Variants in USP30 observed in about 807,000 individuals in gnomAD.
USP30 encodes the protein ubiquitin carboxyl-terminal hydrolase 30.
Under a neutral mutation model 68.2 loss-of-function variants are expected in USP30, and 41 were observed. The observed-to-expected ratio is 0.60, with a 90% CI of 0.47 to 0.78. The LOEUF (loss-of-function observed/expected upper bound fraction) is 0.78. USP30 is among the 30% of genes least tolerant of loss of function. The pLI is 0.00. For synonymous variants in USP30, 229 were observed against 253.7 expected, an observed-to-expected ratio of 0.90 and a Z score of 0.93; for missense variants, 522 against 649.4, an observed-to-expected ratio of 0.80 and a Z score of 2.13.
At chr12:109,026,696 G>T (rs1348291027) in intron 2 of USP30, among the ~76,000 whole-genome samples, 3 of 151,910 alleles carry the variant, frequency 2.0e-5, no homozygotes, top group Non-Finnish European at 4.4e-5. Context: ...TCAAACTCCT[G>T]CATTCAAGCC....
At position 109,041,788 on chromosome 12, in the gene USP30, G is replaced by A. The variant is rs75436767; in HGVS notation, c.-135-5802G>A. Among the ~76,000 whole-genome samples, 148 of 152,206 alleles carry A rather than the reference G, an allele frequency of 9.7e-4. 1 individual carries two copies. The highest frequency in any genetic ancestry group is 3.5e-3 in the African/African-American group (147 of 41,530). ...AAGAGCTACTTTGGAAGGTCGAACT[G>A]TGAGTTTACTATTGTGAAGATCTGA... On this transcript the variant is annotated intron_variant, in intron 3 of 15. Transcript: ENST00000392784.
intron 5 of USP30, 24 bp from the exon 6 acceptor site, chr12:109,072,281 G>GTTT (rs111762860): frequency 1.1e-5 from 15 of 1,343,588 alleles, no homozygotes; most frequent in South Asian, 5.0e-5. Flanking sequence ...TTTTCAGTCT[G>GTTT]TTTTTTTTTT....
chr12:109,085,633 T>C (rs747584464), intron 12 of USP30, 34 bp from the exon 13 acceptor site: 64 of 1,601,798 alleles, frequency 4.0e-5, no homozygotes, highest in African/African-American at 9.4e-5. Context: ...TTTGTTAAAA[T>C]TGTAAACCCC....
chr12:109,036,528 C>A (rs2040522580), intron 3 of USP30, among the ~76,000 whole-genome samples: 1 of 152,004 alleles, frequency 6.6e-6, no homozygotes, highest in Admixed American at 6.6e-5. Context: ...AAACTCCAGA[C>A]CTGAGGTGAT....
upstream of USP30, chr12:109,052,568 C>T (rs2040693062): frequency 1.1e-5 from 12 of 1,139,388 alleles, no homozygotes; most frequent in South Asian, 7.1e-5. Flanking sequence ...CCCCGAGGTG[C>T]TGGGACTGCG....
intron 3 of USP30, among the ~76,000 whole-genome samples, chr12:109,037,283 T>C (rs530973740): frequency 1.4e-4 from 22 of 152,316 alleles, no homozygotes; most frequent in African/African-American, 4.6e-4. Context: ...ATAATCTCTA[T>C]CTCTTTATTA....
chr12:109,064,652 C>T (rs149187477), intron 3 of USP30, among the ~76,000 whole-genome samples: 1 of 152,304 alleles, frequency 6.6e-6, no homozygotes, highest in East Asian at 1.9e-4. Flanking sequence ...TTGCTTCCAG[C>T]TCCTTGTCAA....
chr12:109,024,056 G>T (rs960924038), intron 1 of USP30, among the ~76,000 whole-genome samples: 1 of 152,114 alleles, frequency 6.6e-6, no homozygotes, highest in African/African-American at 2.4e-5. Flanking sequence ...TCTCTTCCCA[G>T]CTCCACCTCT....
chr12:109,065,003 C>T (rs1044256146), intron 3 of USP30, among the ~76,000 whole-genome samples: 15 of 152,096 alleles, frequency 9.9e-5, no homozygotes, highest in Non-Finnish European at 5.9e-5. Flanking sequence ...ATGCAGAAGC[C>T]TGGACTTTAT....
At chr12:109,037,683 G>T (rs1401607048) in intron 3 of USP30, among the ~76,000 whole-genome samples, 2 of 152,174 alleles carry the variant, frequency 1.3e-5, no homozygotes, top group Non-Finnish European at 2.9e-5. Flanking sequence ...AGATAGCTTA[G>T]TGGTCAGCTA....
intron 3 of USP30, among the ~76,000 whole-genome samples, chr12:109,040,995 A>C (rs886353992): frequency 6.6e-6 from 1 of 152,172 alleles, no homozygotes; most frequent in East Asian, 1.9e-4. Flanking sequence ...GTGGAGAAAG[A>C]ACCAGATTCT....
intron 3 of USP30, among the ~76,000 whole-genome samples, chr12:109,033,893 A>C (rs2040500290): frequency 6.6e-6 from 1 of 152,172 alleles, no homozygotes; most frequent in Admixed American, 6.5e-5. Context: ...CAAGATGTCT[A>C]ATCAGTACAA....
At chr12:109,076,609 A>G (rs2041615941) in intron 7 of USP30, among the ~76,000 whole-genome samples, 1 of 151,362 alleles carries the variant, frequency 6.6e-6, no homozygotes, top group Non-Finnish European at 1.5e-5. Flanking sequence ...TTCTGTTCCT[A>G]GTTTGCTGAG....
chr12:109,042,411 T>C (rs899370225), intron 3 of USP30, among the ~76,000 whole-genome samples: 13 of 152,188 alleles, frequency 8.5e-5, no homozygotes, highest in African/African-American at 3.1e-4. Context: ...CCTACAATTA[T>C]AAATGCCTAA....
intron 3 of USP30, among the ~76,000 whole-genome samples, chr12:109,041,823 AG>A (rs1230992039): frequency 2.0e-5 from 3 of 152,132 alleles, no homozygotes; most frequent in Admixed American, 2.0e-4. Context: ...AGGTAAGAAA[AG>A]CTTTGAAGTG....
Position 109,087,339 on chromosome 12 carries a change from C to T in USP30, c.*1408C>T, listed in dbSNP as rs1260644543. 1 of 152,184 alleles carries T rather than the reference C, an allele frequency of 6.6e-6. No homozygotes were observed. The highest frequency in any genetic ancestry group is 1.5e-5 in the Non-Finnish European group (1 of 68,044). The allele number at this position is 152,184 out of a possible 1,614,324, so 9.4% of individuals were successfully genotyped here. A position where few individuals can be genotyped will look rare whatever the true frequency, so the allele number is the denominator to read the frequency against. ...TCTGCTGGGGGTGAGCTGGCAGACACACCAAACAGTGCCTTGGCAGCAGCT... is the reference window on the plus strand; with the variant it reads ...TCTGCTGGGGGTGAGCTGGCAGACATACCAAACAGTGCCTTGGCAGCAGCT... On this transcript the variant is annotated 3_prime_UTR_variant, in exon 13 of 13. Coordinates refer to ENST00000257548, the MANE Select transcript of USP30 (RefSeq NM_032663.5).
rs976154334 is a variant in USP30, at chr12:109,070,390, T to C, written c.481-1222T>C. 3.9e-5 allele frequency among the ~76,000 whole-genome samples: 6 copies of C among 152,086 alleles called. No individual in the cohort carries two copies. Among genetic ancestry groups the C allele is most frequent in the African/African-American group, 1.2e-4 (5 of 41,408 alleles). On this transcript the variant is annotated intron_variant, in intron 4 of 12. Coordinates refer to ENST00000257548, the MANE Select transcript of USP30 (RefSeq NM_032663.5). The surrounding 1 kb of genome is among the most constrained non-coding windows in gnomAD (Gnocchi z 4.0). Reference sequence around the variant, plus strand: ...GAGTATGCCCTGTGGAGGAGCTCTTTTGGCAGAGACCTGAAGGATAGGAGG... The same window carrying C: ...GAGTATGCCCTGTGGAGGAGCTCTTCTGGCAGAGACCTGAAGGATAGGAGG...
At chr12:109,026,516 G>T (rs2040446483) in intron 2 of USP30, among the ~76,000 whole-genome samples, 1 of 150,872 alleles carries the variant, frequency 6.6e-6, no homozygotes, top group Non-Finnish European at 1.5e-5. Context: ...CTGGAATGCA[G>T]TGACATGATC....
intron 1 of USP30, 29 bp from the exon 2 acceptor site, chr12:109,056,653 G>A (rs1278367591): frequency 6.5e-7 from 1 of 1,539,130 alleles, no homozygotes; most frequent in Non-Finnish European, 8.9e-7. Flanking sequence ...TTGTGTGAGG[G>A]AAGACAGTAA....
Sources: allele counts gnomAD v4.1 joint callset (sites outside exome capture counted in the v4.1 genomes callset), GRCh38; gene constraint gnomAD v4.1.1; non-coding constraint Gnocchi (gnomAD v3.1); transcripts MANE v1.5; gene names NCBI Gene and HGNC (gene_info 2026-07-23, HGNC 2026-07-21).